Variants in CLNK observed in about 807,000 individuals in gnomAD.
CLNK encodes cytokine dependent hematopoietic cell linker, also known as cytokine-dependent hematopoietic cell linker.
Under a neutral mutation model 68.6 loss-of-function variants are expected in CLNK, and 74 were observed. The ratio of observed to expected loss-of-function variants is 1.08; its 90% CI spans 0.89 to 1.31. The LOEUF (loss-of-function observed/expected upper bound fraction) is 1.31. Among genes scored for constraint, CLNK ranks in the 50% most tolerant of loss-of-function variants. CLNK has a pLI of 0.00. For missense variants in CLNK, 553 were observed against 515.3 expected (o/e 1.07, Z -0.71); for synonymous variants, 198 against 172.2 (o/e 1.15, Z -1.17).
the CLNK span, among the ~76,000 whole-genome samples, chr4:10,705,751 T>C: frequency 6.6e-6 from 1 of 152,262 alleles, no homozygotes; most frequent in African/African-American, 2.4e-5. Context: ...ACCTTAATTC[T>C]CTTTTGTGGT....
At chr4:10,709,332 G>C in the CLNK span, among the ~76,000 whole-genome samples, 6 of 152,208 alleles carry the variant, frequency 3.9e-5, no homozygotes, top group Admixed American at 3.9e-4. Flanking sequence ...TCTGGGCACT[G>C]TACTCAGAGT....
intron 2 of CLNK, among the ~76,000 whole-genome samples, chr4:10,626,063 TTGAC>T (rs1281311775): frequency 1.3e-5 from 2 of 152,220 alleles, no homozygotes; most frequent in Admixed American, 6.5e-5. Context: ...CTCGTGCACT[TTGAC>T]TGGTTGGGGG....
At chr4:10,548,664 C>G (rs1719330889) in intron 8 of CLNK, among the ~76,000 whole-genome samples, 1 of 152,162 alleles carries the variant, frequency 6.6e-6, no homozygotes, top group South Asian at 2.1e-4. Flanking sequence ...TTAATCCACC[C>G]CAAATTGATT....
At chr4:10,726,677 C>CTT in the CLNK span, among the ~76,000 whole-genome samples, 9 of 152,222 alleles carry the variant, frequency 5.9e-5, no homozygotes, top group East Asian at 1.7e-3. Context: ...TTAAAACAAC[C>CTT]TTTTTAACCT....
chr4:10,712,259 G>C, the CLNK span, among the ~76,000 whole-genome samples: 1 of 152,154 alleles, frequency 6.6e-6, no homozygotes, highest in Non-Finnish European at 1.5e-5. Flanking sequence ...TCTTCAGCAG[G>C]ACCACTTAGA....
intron 1 of CLNK, among the ~76,000 whole-genome samples, chr4:10,679,603 T>C (rs930430236): frequency 3.3e-5 from 5 of 152,186 alleles, no homozygotes; most frequent in Admixed American, 2.6e-4. Context: ...AGAAAATTTT[T>C]GCAATCTACT....
intron 8 of CLNK, among the ~76,000 whole-genome samples, chr4:10,543,727 C>A (rs6448055): frequency 0.039 from 5,994 of 152,304 alleles, 303 homozygotes; most frequent in East Asian, 0.13. Context: ...AAAACAATTA[C>A]TTCAAAGAAT....
intron 18 of CLNK, among the ~76,000 whole-genome samples, chr4:10,499,955 A>G (rs1260506112): frequency 1.3e-5 from 2 of 152,192 alleles, no homozygotes; most frequent in African/African-American, 2.4e-5. Context: ...ATCTTCAAAT[A>G]CAGTCACATT....
At position 10,490,588 on chromosome 4, in the gene CLNK, A is replaced by G; in HGVS notation, c.1166T>C (p.Ile389Thr). 1 of 1,578,668 alleles carries G rather than the reference A, an allele frequency of 6.3e-7. No individual in the cohort carries two copies. Among genetic ancestry groups the G allele is most frequent in the Non-Finnish European group, 8.6e-7 (1 of 1,161,050 alleles). ...AATGGGAAAATTCTTGTAGTGTTCGATGATGTCTTCTACTGAATCAAACTT... is the reference window on the plus strand; with the variant it reads ...AATGGGAAAATTCTTGTAGTGTTCGGTGATGTCTTCTACTGAATCAAACTT... ...DEKFDSVEDI[I>T]EHYKNFPIIL... is the part of the protein sequence containing the mutation. The change falls in exon 19 of 19, where the codon ATC becomes ACC. Residue 389 changes from isoleucine to threonine, a missense_variant. Ile to Thr is a moderately conservative substitution (Grantham distance 89). Transcript: ENST00000226951.
the CLNK span, among the ~76,000 whole-genome samples, chr4:10,707,462 AC>A: frequency 6.6e-6 from 1 of 152,208 alleles, no homozygotes; most frequent in African/African-American, 2.4e-5. Context: ...TGCAAGATAG[AC>A]TAATGTCAGT....
intron 7 of CLNK, among the ~76,000 whole-genome samples, chr4:10,563,553 A>C (rs1454482535): frequency 6.6e-6 from 1 of 152,206 alleles, no homozygotes; most frequent in Non-Finnish European, 1.5e-5. Flanking sequence ...GTGAGAAGAA[A>C]AATAAAGCAG....
intron 2 of CLNK, among the ~76,000 whole-genome samples, chr4:10,624,690 G>C (rs2720363): frequency 1.3e-5 from 2 of 150,386 alleles, no homozygotes; most frequent in Admixed American, 6.6e-5. Flanking sequence ...GGATCTCTAA[G>C]ATGCCAAGAA....
At chr4:10,683,886 G>T (rs1383447826) in intron 1 of CLNK, among the ~76,000 whole-genome samples, 1 of 152,166 alleles carries the variant, frequency 6.6e-6, no homozygotes, top group East Asian at 1.9e-4. Flanking sequence ...AGCCATGTAG[G>T]TAATAGACAA....
intron 4 of CLNK, among the ~76,000 whole-genome samples, chr4:10,576,156 C>T (rs1370790180): frequency 6.6e-6 from 1 of 152,328 alleles, no homozygotes; most frequent in East Asian, 1.9e-4. Context: ...TAGAACCTTC[C>T]TCCTCCCTCA....
At chr4:10,663,307 C>G (rs1489034296) in intron 2 of CLNK, among the ~76,000 whole-genome samples, 1 of 152,158 alleles carries the variant, frequency 6.6e-6, no homozygotes, top group South Asian at 2.1e-4. Context: ...TGAAAAATAG[C>G]CTGCTAATTT....
chr4:10,619,769 G>A (rs1722362074), intron 2 of CLNK, among the ~76,000 whole-genome samples: 1 of 152,206 alleles, frequency 6.6e-6, no homozygotes, highest in Non-Finnish European at 1.5e-5. Flanking sequence ...AGGCTCTCAA[G>A]TAGTCTTTCC....
chr4:10,671,075 C>G (rs1164683681), intron 1 of CLNK, among the ~76,000 whole-genome samples: 1 of 152,150 alleles, frequency 6.6e-6, no homozygotes, highest in Non-Finnish European at 1.5e-5. Flanking sequence ...ATCCCAAACT[C>G]TTCTGACATT....
chr4:10,545,318 G>A (rs1330751725), intron 8 of CLNK, among the ~76,000 whole-genome samples: 2 of 152,196 alleles, frequency 1.3e-5, no homozygotes, highest in Non-Finnish European at 2.9e-5. Context: ...GGGAGAAAGA[G>A]GCAAGAAGAA....
intron 2 of CLNK, among the ~76,000 whole-genome samples, chr4:10,630,843 T>G (rs1026197070): frequency 1.3e-5 from 2 of 152,238 alleles, no homozygotes; most frequent in African/African-American, 4.8e-5. Flanking sequence ...GATGTCCATC[T>G]GCTTGTAGCA....
Sources: gnomAD v4.1 joint callset for allele counts (sites outside exome capture counted in the v4.1 genomes callset) on GRCh38, gnomAD v4.1.1 for gene constraint, MANE v1.5 for transcripts, NCBI Gene and HGNC (gene_info 2026-07-23, HGNC 2026-07-21) for gene names.